Variants in ANKRD18B observed in about 807,000 individuals in gnomAD.
ANKRD18B encodes the protein ankyrin repeat domain 18B.
ANKRD18B carries 75 observed loss-of-function variants against 111.8 expected under a neutral mutation model. That is an observed-to-expected ratio of 0.67 (90% CI 0.56 to 0.81). The LOEUF (loss-of-function observed/expected upper bound fraction) is 0.81. Ranked by LOEUF, ANKRD18B falls within the 40% of genes least tolerant of loss-of-function variation. The probability of loss-of-function intolerance (pLI) is 0.00; values close to 1 mark genes in which losing one functional copy is unlikely to be tolerated. For missense variants in ANKRD18B, 1,038 were observed against 1,225.5 expected, an observed-to-expected ratio of 0.85 and a Z score of 2.28; for synonymous variants, 356 against 417.3, an observed-to-expected ratio of 0.85 and a Z score of 1.79.
chr9:33,562,564 A>G (rs371418264), intron 14 of ANKRD18B, among the ~76,000 whole-genome samples: 1 of 152,092 alleles, frequency 6.6e-6, no homozygotes, highest in Non-Finnish European at 1.5e-5. Flanking sequence ...ATCAGGTAAT[A>G]TTCAGGCAAT....
chr9:33,532,434 A>T (rs1261122894), intron 3 of ANKRD18B, among the ~76,000 whole-genome samples: 1 of 152,342 alleles, frequency 6.6e-6, no homozygotes, highest in East Asian at 1.9e-4. Context: ...GTAAAGTTGC[A>T]TTAATGTCCC....
intron 5 of ANKRD18B, among the ~76,000 whole-genome samples, chr9:33,535,944 G>T (rs1828194795): frequency 6.6e-6 from 1 of 151,684 alleles, no homozygotes; most frequent in Admixed American, 6.6e-5. Flanking sequence ...CAAATATGTT[G>T]TTAGTACATG....
chr9:33,534,591 C>T, intron 5 of ANKRD18B, 84 bp downstream of exon 5: 1 of 1,418,834 alleles, frequency 7.0e-7, no homozygotes, highest in Non-Finnish European at 9.2e-7. Context: ...CATTAGGTGA[C>T]AGTTCATAGT....
intron 14 of ANKRD18B, among the ~76,000 whole-genome samples, chr9:33,564,721 A>G (rs530301039): frequency 1.3e-3 from 193 of 152,198 alleles, no homozygotes; most frequent in African/African-American, 4.2e-3. Flanking sequence ...TGTGTTTTCT[A>G]TGATAGCCAT....
chr9:33,557,503 G>T (rs1226513580), intron 13 of ANKRD18B, among the ~76,000 whole-genome samples: 1 of 152,062 alleles, frequency 6.6e-6, no homozygotes, highest in Non-Finnish European at 1.5e-5. Flanking sequence ...AAACTGTATG[G>T]TTAGGCCAGG....
At position 33,534,392 on chromosome 9, in the gene ANKRD18B, C is replaced by A; in HGVS notation, c.625C>A (p.Gln209Lys). Residue 209 changes from glutamine (Q) to lysine (K), a missense_variant, in exon 5 of 19, where the codon CAG (glutamine) becomes AAG (lysine). Physicochemically the swap from Gln to Lys is moderately conservative, Grantham distance 53. This residue lies in a region of ANKRD18B where 93 missense variants were observed against 141.3 expected (regional missense o/e 0.66). Coordinates refer to ENST00000684830, the MANE Select transcript of ANKRD18B (RefSeq NM_001393611.1). ...TAGAACAGCCCTCATACTTGCAGTACAGCATAACTTGTCAAGTATCGTCAC... is the reference window on the plus strand; with the variant it reads ...TAGAACAGCCCTCATACTTGCAGTAAAGCATAACTTGTCAAGTATCGTCAC... ...FKRTALILAV[Q>K]HNLSSIVTLL... 1 of 1,548,550 alleles carries A rather than the reference C, an allele frequency of 6.5e-7. No homozygotes were observed. Among genetic ancestry groups the A allele is most frequent in the Non-Finnish European group, 8.7e-7 (1 of 1,145,960 alleles).
chr9:33,546,979 G>A (rs530423), intron 10 of ANKRD18B, among the ~76,000 whole-genome samples: 2 of 152,080 alleles, frequency 1.3e-5, no homozygotes, highest in African/African-American at 4.8e-5. Flanking sequence ...CTCTATTTCA[G>A]TGAGCACCTT....
chr9:33,535,740 ATTTTATAT>A (rs1828188570), intron 5 of ANKRD18B, among the ~76,000 whole-genome samples: 1 of 145,562 alleles, frequency 6.9e-6, no homozygotes, highest in African/African-American at 2.5e-5. Flanking sequence ...TTTTATTTAT[ATTTTATAT>A]TTTTATATTT....
chr9:33,524,577 A>T lies in ANKRD18B; in HGVS notation c.88A>T (p.Ile30Phe). The change falls in exon 1 of 19, where the codon ATT becomes TTT. Residue 30 changes from isoleucine (I) to phenylalanine (F), a missense_variant. Ile to Phe is a conservative substitution (Grantham distance 21). Around this residue, in one of 4 missense-constraint regions of ANKRD18B, gnomAD observed 216 missense variants for 205.1 expected, o/e 1.05. Coordinates refer to ENST00000684830, the MANE Select transcript of ANKRD18B (RefSeq NM_001393611.1). ...AGAGTATGCGGGTCGGGGGTACCACATTCGGGACTGGGAACTGCGGAAGAT... is the reference window on the plus strand; with the variant it reads ...AGAGTATGCGGGTCGGGGGTACCACTTTCGGGACTGGGAACTGCGGAAGAT... ...DQEYAGRGYH[I>F]RDWELRKIHR... 1 of 1,551,512 alleles carries T rather than the reference A, an allele frequency of 6.4e-7. No homozygotes were observed. Among genetic ancestry groups the T allele is most frequent in the Non-Finnish European group, 8.7e-7 (1 of 1,146,836 alleles).
chr9:33,564,719 CTA>C (rs937667341), intron 14 of ANKRD18B, among the ~76,000 whole-genome samples: 5 of 151,932 alleles, frequency 3.3e-5, no homozygotes, highest in Non-Finnish European at 7.4e-5. Context: ...TTTGTGTTTT[CTA>C]TGATAGCCAT....
chr9:33,530,445 G>C (rs1480522649), intron 3 of ANKRD18B, among the ~76,000 whole-genome samples: 2 of 149,392 alleles, frequency 1.3e-5, no homozygotes, highest in Non-Finnish European at 3.0e-5. Flanking sequence ...TCAGGAGATG[G>C]AGACCATCCT....
intron 10 of ANKRD18B, among the ~76,000 whole-genome samples, chr9:33,547,736 C>A (rs1828381275): frequency 6.8e-6 from 1 of 146,192 alleles, no homozygotes; most frequent in African/African-American, 2.5e-5. Context: ...TTTATGGATT[C>A]ATTGACTTCA....
chr9:33,551,563 A>G (rs1436477739), intron 12 of ANKRD18B, among the ~76,000 whole-genome samples: 1 of 152,036 alleles, frequency 6.6e-6, no homozygotes, highest in Non-Finnish European at 1.5e-5. Context: ...AATTTTATCC[A>G]TGTTGTAGCA....
intron 10 of ANKRD18B, among the ~76,000 whole-genome samples, chr9:33,545,447 G>A (rs992194109): frequency 1.3e-5 from 2 of 152,194 alleles, no homozygotes; most frequent in Admixed American, 6.5e-5. Flanking sequence ...CATGTGATAC[G>A]AATAGAAAGC....
downstream of ANKRD18B, among the ~76,000 whole-genome samples, chr9:33,573,603 G>C (rs1828817830): frequency 6.9e-6 from 1 of 145,022 alleles, no homozygotes; most frequent in African/African-American, 2.4e-5. Flanking sequence ...TGGGTACCTG[G>C]AGCCTGAGGC....
At chr9:33,550,637 C>G in intron 12 of ANKRD18B, 58 bp downstream of exon 12, 1 of 1,418,794 alleles carries the variant, frequency 7.0e-7, no homozygotes, top group Admixed American at 2.9e-5. Flanking sequence ...ATACCAGTAT[C>G]CTAAGTGTCT....
intron 6 of ANKRD18B, among the ~76,000 whole-genome samples, chr9:33,539,114 T>C (rs1828242646): frequency 6.6e-6 from 1 of 152,228 alleles, no homozygotes; most frequent in Non-Finnish European, 1.5e-5. Flanking sequence ...ATCATGTATC[T>C]GTTACAGACT....
intron 14 of ANKRD18B, among the ~76,000 whole-genome samples, chr9:33,560,658 C>G (rs879584843): frequency 5.3e-5 from 8 of 152,104 alleles, no homozygotes; most frequent in African/African-American, 1.9e-4. Flanking sequence ...CTTTTTGACT[C>G]TTATTAATAA....
intron 14 of ANKRD18B, 129 bp downstream of exon 14, chr9:33,558,316 G>A: frequency 9.5e-7 from 1 of 1,050,440 alleles, no homozygotes; most frequent in South Asian, 1.9e-5. Context: ...TAGGTATTAA[G>A]CCCCGTAGGC....
Sources: allele counts gnomAD v4.1 joint callset (sites outside exome capture counted in the v4.1 genomes callset), GRCh38; gene constraint gnomAD v4.1.1; regional missense constraint gnomAD v4.1.1; transcripts MANE v1.5; gene names NCBI Gene and HGNC (gene_info 2026-07-23, HGNC 2026-07-21).